The following LCORL variants were observed in gnomAD, a reference collection of about 807,000 sequenced individuals.
LCORL encodes ligand-dependent nuclear receptor corepressor-like protein.
In LCORL, 41 loss-of-function variants were observed where a neutral mutation model predicts 141.8. The observed-to-expected ratio is 0.29, with a 90% CI of 0.23 to 0.38. The LOEUF (loss-of-function observed/expected upper bound fraction) is 0.38. Ranked by LOEUF, LCORL falls within the 10% of genes least tolerant of loss-of-function variation. The pLI is 1.00. For synonymous variants in LCORL, 618 were observed against 694.1 expected, an observed-to-expected ratio of 0.89 and a Z score of 1.72; for missense variants, 1,759 against 2,035.0, an observed-to-expected ratio of 0.86 and a Z score of 2.61.
chr4:17,922,352 TA>T (rs1377190714), intron 4 of LCORL, among the ~76,000 whole-genome samples: 1 of 152,192 alleles, frequency 6.6e-6, no homozygotes, highest in East Asian at 1.9e-4. Context: ...ATGAACTGTT[TA>T]AAGAGTTAGG....
intron 7 of LCORL, among the ~76,000 whole-genome samples, chr4:17,858,822 C>T (rs1236327397): frequency 6.6e-6 from 1 of 151,924 alleles, no homozygotes; most frequent in East Asian, 1.9e-4. Flanking sequence ...CAACAAACTC[C>T]AAGCAGAGAA....
exon 8 of LCORL, chr4:17,843,669 C>CATT (rs1004934237): frequency 9.8e-6 from 3 of 304,614 alleles, no homozygotes; most frequent in African/African-American, 6.3e-5. Context: ...CTAGGAATCT[C>CATT]ATTTTTAAAT....
chr4:17,860,818 G>C (rs1312505100), intron 7 of LCORL, among the ~76,000 whole-genome samples: 1 of 152,200 alleles, frequency 6.6e-6, no homozygotes, highest in African/African-American at 2.4e-5. Flanking sequence ...CCAAAACACA[G>C]GGGCTAAAGG....
chr4:17,867,050 C>G lies in LCORL; in HGVS notation c.5602+6338G>C, dbSNP rs1473462527. 3.3e-6 allele frequency: 3 copies of G among 905,922 alleles called. No individual in the cohort carries two copies. In the African/African-American group the frequency reaches 5.4e-5, roughly 16 times the overall value. 56.1% of individuals were successfully genotyped at this position (905,922 alleles called of 1,614,324 possible). On this transcript the variant is annotated intron_variant, in intron 7 of 7. Coordinates refer to ENST00000635767, the Ensembl canonical transcript of LCORL. ...GCTGCAGGGAGAGAATAAAGATTTA[C>G]AAAACAGAATACAACTGGTGTTCAT...
chr4:17,854,742 C>T (rs1577250095), intron 7 of LCORL, among the ~76,000 whole-genome samples: 1 of 151,868 alleles, frequency 6.6e-6, no homozygotes, highest in South Asian at 2.1e-4. Flanking sequence ...TGGTAGGATA[C>T]TGATGAATTT....
At chr4:17,883,424 G>A in intron 6 of LCORL, 1 of 1,125,442 alleles carries the variant, frequency 8.9e-7, no homozygotes, top group Non-Finnish European at 1.1e-6. Context: ...TTATGCTATT[G>A]ACTACTAAAG....
intron 4 of LCORL, chr4:17,912,126 T>A (rs1205415093): frequency 1.1e-6 from 1 of 910,738 alleles, no homozygotes; most frequent in Non-Finnish European, 1.8e-6. Context: ...TTTTCGCAAA[T>A]ACTGTGGACA....
intron 4 of LCORL, among the ~76,000 whole-genome samples, chr4:17,933,826 T>G (rs1736426519): frequency 6.6e-6 from 1 of 152,112 alleles, no homozygotes; most frequent in Non-Finnish European, 1.5e-5. Flanking sequence ...ATGGTATAGT[T>G]TATTTAATTA....
chr4:17,951,642 C>A (rs1739740048), intron 4 of LCORL, among the ~76,000 whole-genome samples: 1 of 152,102 alleles, frequency 6.6e-6, no homozygotes, highest in African/African-American at 2.4e-5. Flanking sequence ...TCATATACAA[C>A]CAGCCTGTGA....
intron 4 of LCORL, among the ~76,000 whole-genome samples, chr4:17,934,841 A>G (rs188851957): frequency 1.2e-4 from 18 of 152,306 alleles, no homozygotes; most frequent in Non-Finnish European, 1.8e-4. Flanking sequence ...CATAGACTAA[A>G]AGCATTCACG....
chr4:18,004,383 T>A (rs749949786), intron 1 of LCORL, among the ~76,000 whole-genome samples: 4 of 152,208 alleles, frequency 2.6e-5, no homozygotes, highest in Non-Finnish European at 5.9e-5. Flanking sequence ...CTCACAGTCA[T>A]GGCAGAAGGT....
At chr4:18,001,407 A>ACAGAG (rs1420032607) in intron 1 of LCORL, among the ~76,000 whole-genome samples, 29 of 152,368 alleles carry the variant, frequency 1.9e-4, no homozygotes, top group African/African-American at 7.0e-4. Flanking sequence ...CTAAGGCAGT[A>ACAGAG]CAGAGCAGGT....
intron 1 of LCORL, among the ~76,000 whole-genome samples, chr4:18,004,806 A>C (rs781608967): frequency 1.1e-4 from 17 of 152,242 alleles, no homozygotes; most frequent in Non-Finnish European, 2.1e-4. Flanking sequence ...AAAGCAAGTT[A>C]GCAGATACAA....
In LCORL at chr4:18,021,730, T is replaced by TTC; in HGVS notation, c.20_21dup (p.Met8GlufsTer45). The TTC allele has an allele frequency of 6.6e-7, 1 of 1,522,734 alleles. No individual in the cohort carries two copies. Among genetic ancestry groups the TTC allele is most frequent in the Non-Finnish European group, 8.8e-7 (1 of 1,134,280 alleles). The allele number at this position is 1,522,734 out of a possible 1,614,324, so 94.3% of individuals were successfully genotyped here. On this transcript the variant is annotated frameshift_variant, in exon 1 of 8. Coordinates refer to ENST00000635767, the Ensembl canonical transcript of LCORL. LOFTEE classifies it high-confidence loss of function. This position sits in a 1 kb window ranked among gnomAD's most constrained non-coding sequence, Gnocchi z 5.5. ...GCAGCAGCGGCGGCGGCAGCGGCCA[T>TTC]TCTCTCTCTTCCCTTGTCCATCTGC...
intron 2 of LCORL, among the ~76,000 whole-genome samples, chr4:17,966,669 G>A (rs532519658): frequency 7.9e-5 from 12 of 152,146 alleles, no homozygotes; most frequent in African/African-American, 2.9e-4. Context: ...AAGATACATA[G>A]TGGCAACCAA....
intron 2 of LCORL, among the ~76,000 whole-genome samples, chr4:17,966,446 TCTCACACAAGGTAAGATAGATAAC>T: frequency 6.6e-6 from 1 of 152,184 alleles, no homozygotes; most frequent in South Asian, 2.1e-4. Context: ...AACTACCAAA[TCTCACACAAGGTAAGATAGATAAC>T]CTCAACAGCC....
At chr4:17,936,336 T>C (rs917479764) in intron 4 of LCORL, among the ~76,000 whole-genome samples, 3 of 109,780 alleles carry the variant, frequency 2.7e-5, no homozygotes, top group Non-Finnish European at 5.6e-5. Context: ...AGATTTTAGA[T>C]AAAATCTAAT....
intron 1 of LCORL, among the ~76,000 whole-genome samples, chr4:17,982,012 T>G (rs2109726152): frequency 6.6e-6 from 1 of 152,194 alleles, no homozygotes; most frequent in East Asian, 1.9e-4. Flanking sequence ...CCTGTGTTAG[T>G]TTGCAAAGGA....
intron 1 of LCORL, among the ~76,000 whole-genome samples, chr4:17,991,804 G>T (rs980071056): frequency 1.3e-5 from 2 of 151,882 alleles, no homozygotes; most frequent in Non-Finnish European, 2.9e-5. Context: ...CCTTAAAAAA[G>T]AAAAAAATCA....
Sources: gnomAD v4.1 joint callset for allele counts (sites outside exome capture counted in the v4.1 genomes callset) on GRCh38, gnomAD v4.1.1 for gene constraint, Gnocchi (gnomAD v3.1) non-coding constraint, MANE v1.5 for transcripts, NCBI Gene and HGNC (gene_info 2026-07-23, HGNC 2026-07-21) for gene names.